The following LAMB1 variants were observed in gnomAD, a reference collection of about 807,000 sequenced individuals.
LAMB1 encodes laminin subunit beta 1, also known as laminin subunit beta-1.
Under a neutral mutation model 222.3 loss-of-function variants are expected in LAMB1, and 121 were observed. The observed-to-expected ratio is 0.54, with a 90% confidence interval of 0.47 to 0.63. LAMB1 has a LOEUF of 0.63. Ranked by LOEUF, LAMB1 falls within the 30% of genes least tolerant of loss-of-function variation. The probability of loss-of-function intolerance (pLI) is 0.00; values close to 1 mark genes in which losing one functional copy is unlikely to be tolerated. For synonymous variants in LAMB1, 794 were observed against 807.2 expected (o/e 0.98, Z 0.28); for missense variants, 2,172 against 2,240.8 (o/e 0.97, Z 0.62).
At chr7:108,000,530 G>C (rs1471005176) in intron 3 of LAMB1, among the ~76,000 whole-genome samples, 2 of 152,210 alleles carry the variant, frequency 1.3e-5, no homozygotes, top group Non-Finnish European at 2.9e-5. Flanking sequence ...TTAGAGGCCA[G>C]AAATATCAGC....
rs751807101 is a variant in LAMB1, at chr7:107,951,321, A to G, written c.3296T>C (p.Phe1099Ser). The G allele has an allele frequency of 1.2e-6, 2 of 1,613,930 alleles. No homozygotes were observed. The highest frequency in any genetic ancestry group is 2.7e-5 in the African/African-American group (2 of 74,928). ...AHSFGPSCNEFTGQCQCMPGF... is the reference protein window; with the variant it reads ...AHSFGPSCNESTGQCQCMPGF... ...AGGCATGCACTGGCACTGCCCCGTGAACTGCGGCCAGAACACAGACCTTGG... is the reference window on the plus strand; with the variant it reads ...AGGCATGCACTGGCACTGCCCCGTGGACTGCGGCCAGAACACAGACCTTGG... The change falls in exon 24 of 34, where the codon TTC becomes TCC. Residue 1099 changes from phenylalanine to serine, a missense_variant and splice_region_variant. Transcript: ENST00000222399.
intron 3 of LAMB1, among the ~76,000 whole-genome samples, chr7:108,000,810 G>A (rs1432652267): frequency 6.6e-6 from 1 of 152,176 alleles, no homozygotes; most frequent in Non-Finnish European, 1.5e-5. Flanking sequence ...CCTAAGTGCT[G>A]GGATTACAGG....
chr7:107,994,792 C>T, intron 5 of LAMB1, 95 bp downstream of exon 5: 1 of 636,528 alleles, frequency 1.6e-6, no homozygotes, highest in South Asian at 2.5e-5. Flanking sequence ...ATTTAAGTTC[C>T]CATTTAGGTC....
At chr7:107,951,129 A>C in intron 24 of LAMB1, 97 bp downstream of exon 24, 1 of 826,462 alleles carries the variant, frequency 1.2e-6, no homozygotes, top group South Asian at 1.6e-5. Flanking sequence ...TAGACACGTT[A>C]ATTTGTACTG....
At chr7:107,939,225 G>C (rs1242956033) in intron 25 of LAMB1, among the ~76,000 whole-genome samples, 3 of 152,100 alleles carry the variant, frequency 2.0e-5, no homozygotes, top group Non-Finnish European at 4.4e-5. Flanking sequence ...AAAAGGAGTT[G>C]GGAAGTTTAG....
chr7:107,943,729 C>T (rs549180422), intron 24 of LAMB1, among the ~76,000 whole-genome samples: 15 of 152,082 alleles, frequency 9.9e-5, no homozygotes, highest in South Asian at 4.2e-4. Flanking sequence ...CACAGTCACG[C>T]GACCCCGTTT....
chr7:107,966,751 T>C (rs1474464256), intron 13 of LAMB1, among the ~76,000 whole-genome samples: 1 of 152,148 alleles, frequency 6.6e-6, no homozygotes, highest in South Asian at 2.1e-4. Flanking sequence ...CATGCAACCA[T>C]TAGAGAACGA....
At chr7:107,951,527 G>A (rs1346721076) in intron 23 of LAMB1, among the ~76,000 whole-genome samples, 1 of 152,220 alleles carries the variant, frequency 6.6e-6, no homozygotes, top group Non-Finnish European at 1.5e-5. Flanking sequence ...ACAGGGCTTG[G>A]AAAGGTCTGT....
chr7:107,956,256 C>T (rs924383182), intron 20 of LAMB1, among the ~76,000 whole-genome samples: 1 of 152,230 alleles, frequency 6.6e-6, no homozygotes, highest in Non-Finnish European at 1.5e-5. Context: ...TGGTCTCAAA[C>T]TCCTGACCTC....
chr7:107,984,387 T>C (rs549175796), intron 7 of LAMB1, among the ~76,000 whole-genome samples: 1 of 152,346 alleles, frequency 6.6e-6, no homozygotes, highest in African/African-American at 2.4e-5. Flanking sequence ...TAGCTGGGAT[T>C]ACAGGCATAT....
intron 24 of LAMB1, among the ~76,000 whole-genome samples, chr7:107,950,405 T>C (rs1206642153): frequency 6.6e-6 from 1 of 152,202 alleles, no homozygotes; most frequent in East Asian, 1.9e-4. Context: ...CAACAGCCTA[T>C]TCAGTCTTTT....
At chr7:107,993,237 G>A (rs576235308) in intron 5 of LAMB1, among the ~76,000 whole-genome samples, 9 of 152,230 alleles carry the variant, frequency 5.9e-5, no homozygotes, top group Admixed American at 2.0e-4. Context: ...GGGTTCAAAC[G>A]ATTCTCCTGC....
In LAMB1 at chr7:107,953,608, G is replaced by T. The variant is rs1326821089; in HGVS notation, c.3001C>A (p.Leu1001Met). 1 of 1,614,084 alleles carries T rather than the reference G, an allele frequency of 6.2e-7. No homozygotes were observed. The highest frequency in any genetic ancestry group is 8.5e-7 in the Non-Finnish European group (1 of 1,180,032). Residue 1001 changes from leucine to methionine, a missense_variant, in exon 22 of 34, where the codon CTG becomes ATG. Coordinates refer to ENST00000222399, the MANE Select transcript of LAMB1 (RefSeq NM_002291.3). The stretch of plus-strand genomic sequence containing the variant: ...CAGTGTTCCCCTTCCGTGTGGTACA[G>T]GCACTTGAGACACCTCCCAGTCTCC... ...DKETGRCLKC[L>M]YHTEGEHCQF...
chr7:107,974,351 G>T (rs1037487499), intron 12 of LAMB1, among the ~76,000 whole-genome samples: 2 of 145,992 alleles, frequency 1.4e-5, no homozygotes, highest in Non-Finnish European at 3.0e-5. Flanking sequence ...TTCATATCCT[G>T]TGTGTGTTTT....
intron 9 of LAMB1, among the ~76,000 whole-genome samples, chr7:107,976,949 C>T (rs13228744): frequency 9.4e-6 from 1 of 106,818 alleles, no homozygotes; most frequent in Non-Finnish European, 1.9e-5. Flanking sequence ...TTTCCTCTCC[C>T]TCCTTCCTTC....
chr7:107,931,691 A>T (rs1488276642), intron 28 of LAMB1, 191 bp from the exon 29 acceptor site: 1 of 594,400 alleles, frequency 1.7e-6, no homozygotes, highest in African/African-American at 1.9e-5. Flanking sequence ...GAGATTCCTA[A>T]ACAGTATTCT....
At chr7:107,951,734 G>A (rs1453217998) in intron 23 of LAMB1, among the ~76,000 whole-genome samples, 1 of 152,102 alleles carries the variant, frequency 6.6e-6, no homozygotes, top group East Asian at 1.9e-4. Context: ...CTGCTTCAGC[G>A]CCCAGGTACT....
intron 27 of LAMB1, among the ~76,000 whole-genome samples, chr7:107,934,657 T>C (rs986651193): frequency 4.6e-5 from 7 of 152,134 alleles, no homozygotes; most frequent in African/African-American, 1.7e-4. Flanking sequence ...TAATAGCTAA[T>C]ACCCGTGAAA....
chr7:108,002,089 C>T (rs945235236), intron 2 of LAMB1: 4 of 1,469,456 alleles, frequency 2.7e-6, no homozygotes, highest in East Asian at 2.5e-5. Flanking sequence ...GTGTCCGGAG[C>T]CCGGCGCAGG....
Sources: allele counts gnomAD v4.1 joint callset (sites outside exome capture counted in the v4.1 genomes callset), GRCh38; gene constraint gnomAD v4.1.1; transcripts MANE v1.5; gene names NCBI Gene and HGNC (gene_info 2026-07-23, HGNC 2026-07-21).